Variants in TOR1AIP2 observed in about 807,000 individuals in gnomAD.
TOR1AIP2 encodes the protein torsin 1A interacting protein 2, also known as torsin-1A-interacting protein 2.
A neutral mutation model predicts 32.6 loss-of-function variants in TOR1AIP2; 20 were observed. That is an observed-to-expected ratio of 0.61 (90% CI 0.43 to 0.89). The LOEUF (loss-of-function observed/expected upper bound fraction) is 0.89. Among genes scored for constraint, TOR1AIP2 ranks in the 40% least tolerant of loss-of-function variants. TOR1AIP2 has a pLI of 0.00. For missense variants in TOR1AIP2, 456 were observed against 553.8 expected (o/e 0.82, Z 1.77); for synonymous variants, 214 against 210.8 (o/e 1.02, Z -0.13).
intron 3 of TOR1AIP2, chr1:179,863,381 T>A (rs1214697039): frequency 1.0e-6 from 1 of 985,196 alleles, no homozygotes; most frequent in Non-Finnish European, 1.2e-6. Flanking sequence ...TTGCTAGGGA[T>A]TTTTGGGAAA....
intron 2 of TOR1AIP2, chr1:179,876,249 T>C (rs886064529): frequency 1.3e-5 from 2 of 152,126 alleles, no homozygotes; most frequent in Admixed American, 1.3e-4. Flanking sequence ...TAGGCAAAAA[T>C]AAGTTATATA....
intron 3 of TOR1AIP2, chr1:179,863,426 A>G (rs1354216686): frequency 1.0e-6 from 1 of 985,214 alleles, no homozygotes; most frequent in Non-Finnish European, 1.2e-6. Context: ...GACTTGAAAG[A>G]AAGCCTTTTG....
rs1017013907 is a variant in TOR1AIP2, at chr1:179,862,223, G to C, written c.-147+3213C>G. The C allele has an allele frequency of 2.7e-5, 27 of 982,002 alleles. No homozygotes were observed. In the African/African-American group the frequency reaches 3.0e-4, roughly 11 times the overall value. 60.8% of individuals were successfully genotyped at this position (982,002 alleles called of 1,614,324 possible). A position where few individuals can be genotyped will look rare whatever the true frequency, so the allele number is the denominator to read the frequency against. Reference sequence around the variant, plus strand: ...ACAAAAACCTTTTCTCTATTTTGCTGATATTTAAATTTTCACATTTGTAGA... The same window carrying C: ...ACAAAAACCTTTTCTCTATTTTGCTCATATTTAAATTTTCACATTTGTAGA... On this transcript the variant is annotated intron_variant, in intron 3 of 6. Coordinates refer to ENST00000609928, the MANE Select transcript of TOR1AIP2 (RefSeq NM_001199260.2).
rs1350181189 is a variant in TOR1AIP2 at position 179,850,846 on chromosome 1, T to C, written c.552A>G (p.Pro184=). The C allele has an allele frequency of 1.9e-6, 3 of 1,612,348 alleles. No homozygotes were observed. Among genetic ancestry groups the C allele is most frequent in the South Asian group, 2.2e-5 (2 of 90,966 alleles). The change falls in exon 5 of 7, where the codon CCA becomes CCG. Residue 184 remains proline, a splice_region_variant and synonymous_variant. Transcript: ENST00000609928. ...GAGTAGTTCAGGGGGTTCTCTTACC[T>C]GGGGCCAGCAGTCGCCTCCTCAGTG... ...EDTLRRRLLA[P]EAGSHPQQTQ... is the part of the protein sequence containing the mutation.
Position 179,845,484 on chromosome 1 carries a change from A to C in TOR1AIP2, c.*587T>G, listed in dbSNP as rs1695866281. The C allele has an allele frequency of 6.6e-6, 1 of 152,294 alleles. No individual in the cohort carries two copies. The highest frequency in any genetic ancestry group is 2.1e-4 in the South Asian group (1 of 4,838). The allele number at this position is 152,294 out of a possible 1,614,324, so 9.4% of individuals were successfully genotyped here. A position where few individuals can be genotyped will look rare whatever the true frequency, so the allele number is the denominator to read the frequency against. The stretch of plus-strand genomic sequence containing the variant: ...GAATGAAATAAAAGCACAGTGCCTT[A>C]CATGTAGTATTTAGGTAGGTACTTA... On this transcript the variant is annotated 3_prime_UTR_variant, in exon 7 of 7. Coordinates refer to ENST00000609928, the MANE Select transcript of TOR1AIP2 (RefSeq NM_001199260.2).
At position 179,865,461 on chromosome 1, in the gene TOR1AIP2, C is replaced by G. The variant is rs1696730596; in HGVS notation, c.-172G>C. On this transcript the variant is annotated 5_prime_UTR_variant, in exon 3 of 7. Transcript: ENST00000609928. The stretch of plus-strand genomic sequence containing the variant: ...TAGCAGTACAGATCTCAGGATAGCT[C>G]CTTCAAATCCCAGCTTCTCAAGAAG... The G allele has an allele frequency of 5.8e-6, 2 of 344,802 alleles. No individual in the cohort carries two copies. The highest frequency in any genetic ancestry group is 8.9e-5 in the Admixed American group (2 of 22,470). 21.4% of individuals were successfully genotyped at this position (344,802 alleles called of 1,614,324 possible).
At position 179,850,996 on chromosome 1, in the gene TOR1AIP2, G is replaced by C. The variant is rs138617443; in HGVS notation, c.402C>G (p.Ser134Arg). 57 of 1,614,082 alleles carry C rather than the reference G, an allele frequency of 3.5e-5. No homozygotes were observed. The East Asian group carries it at 4.0e-4, about 11-fold the overall frequency. ...KVGRADAHLG[S>R]SSVALPKEAS... The stretch of plus-strand genomic sequence containing the variant: ...CTTCCTTAGGGAGGGCCACAGAGCT[G>C]CTCCCTAAGTGTGCATCTGCTCTTC... Residue 134 changes from serine to arginine, a missense_variant, in exon 5 of 7, where the codon AGC becomes AGG. Coordinates refer to ENST00000609928, the MANE Select transcript of TOR1AIP2 (RefSeq NM_001199260.2).
At chr1:179,863,414 C>CT in intron 3 of TOR1AIP2, 1 of 985,186 alleles carries the variant, frequency 1.0e-6, no homozygotes, top group Non-Finnish European at 1.2e-6. Context: ...AAATAAAACA[C>CT]TGACTTGAAA....
At chr1:179,869,486 T>C (rs1377729313) in intron 2 of TOR1AIP2, among the ~76,000 whole-genome samples, 1 of 152,204 alleles carries the variant, frequency 6.6e-6, no homozygotes, top group Non-Finnish European at 1.5e-5. Flanking sequence ...ATTCAATATT[T>C]TATAATGTTT....
At chr1:179,856,803 A>G (rs1209974731) in intron 3 of TOR1AIP2, among the ~76,000 whole-genome samples, 2 of 152,186 alleles carry the variant, frequency 1.3e-5, no homozygotes, top group Non-Finnish European at 2.9e-5. Context: ...TAGTACACAC[A>G]GCATCTCACC....
At chr1:179,854,779 G>A (rs2148433398) in intron 3 of TOR1AIP2, among the ~76,000 whole-genome samples, 1 of 152,316 alleles carries the variant, frequency 6.6e-6, no homozygotes, top group Admixed American at 6.5e-5. Context: ...GCTGAGGCAA[G>A]AGAATCGTTT....
chr1:179,860,622 C>G, intron 3 of TOR1AIP2: 1 of 985,258 alleles, frequency 1.0e-6, no homozygotes, highest in South Asian at 4.7e-5. Context: ...GCACTTAAAC[C>G]TCACAACAGT....
chr1:179,847,419 A>G (rs981124333), intron 6 of TOR1AIP2, 116 bp downstream of exon 6: 47 of 744,606 alleles, frequency 6.3e-5, no homozygotes, highest in Non-Finnish European at 1.0e-4. Context: ...CAATCATTAA[A>G]TAAGTATATA....
intron 4 of TOR1AIP2, among the ~76,000 whole-genome samples, chr1:179,852,071 AG>A (rs1696135005): frequency 6.6e-6 from 1 of 152,224 alleles, no homozygotes; most frequent in Non-Finnish European, 1.5e-5. Flanking sequence ...ACCTGAGGTC[AG>A]GAGTTCAAGA....
In TOR1AIP2 at chr1:179,850,883, T is replaced by A; in HGVS notation, c.515A>T (p.Glu172Val). Residue 172 changes from glutamate to valine, a missense_variant, in exon 5 of 7, where the codon GAG becomes GTG. Transcript: ENST00000609928. ...QSPGHSSAGQ[E>V]GEDTLRRRLL... ...TCGCCTCCTCAGTGTATCCTCACCC[T>A]CTTGCCCTGCACTGGAATGACCAGG... 5 of 1,614,070 alleles carry A rather than the reference T, an allele frequency of 3.1e-6. No individual in the cohort carries two copies. The highest frequency in any genetic ancestry group is 4.2e-6 in the Non-Finnish European group (5 of 1,179,928).
In TOR1AIP2 at chr1:179,851,433, C is replaced by T. The variant is rs920855305; in HGVS notation, c.35-70G>A. The T allele has an allele frequency of 9.5e-6, 11 of 1,156,334 alleles. No homozygotes were observed. The Admixed American group carries it at 2.9e-4, about 31-fold the overall frequency. 71.6% of individuals were successfully genotyped at this position (1,156,334 alleles called of 1,614,324 possible). On this transcript the variant is annotated intron_variant, in intron 4 of 6. Coordinates refer to ENST00000609928, the MANE Select transcript of TOR1AIP2 (RefSeq NM_001199260.2). ...ATAAATTTATATTTTAACAAGGTCC[C>T]TGTTTAATAATAATATTTACATAGA...
intron 3 of TOR1AIP2, chr1:179,863,705 C>T (rs139234472): frequency 1.0e-5 from 10 of 966,718 alleles, no homozygotes; most frequent in Middle Eastern, 5.3e-4. Flanking sequence ...AAAAGAGGAT[C>T]GCAAGGGGGA....
rs1180967466 is a variant in TOR1AIP2 at position 179,860,070 on chromosome 1, ACTC to A, written c.-147+5363_-147+5365del. 7 of 903,790 alleles carry A rather than the reference ACTC, an allele frequency of 7.7e-6. No homozygotes were observed. In the African/African-American group the frequency reaches 1.3e-4, roughly 16 times the overall value. The allele number at this position is 903,790 out of a possible 1,614,324, so 56.0% of individuals were successfully genotyped here. A position where few individuals can be genotyped will look rare whatever the true frequency, so the allele number is the denominator to read the frequency against. ...ACTATGTTGCTCAGGCTTGTTTTGA[ACTC>A]CTGGGCTCAAGCCATCCTCCTGCCT... On this transcript the variant is annotated intron_variant, in intron 3 of 6. Transcript: ENST00000609928.
At chr1:179,852,544 T>C in intron 4 of TOR1AIP2, 88 bp downstream of exon 4, 2 of 1,413,052 alleles carry the variant, frequency 1.4e-6, no homozygotes, top group Non-Finnish European at 2.0e-6. Flanking sequence ...CTTCAAAACC[T>C]CAGATTTTAG....
Sources: gnomAD v4.1 joint callset for allele counts (sites outside exome capture counted in the v4.1 genomes callset) on GRCh38, gnomAD v4.1.1 for gene constraint, MANE v1.5 for transcripts, NCBI Gene and HGNC (gene_info 2026-07-23, HGNC 2026-07-21) for gene names.